The following ZPBP variants were observed in gnomAD, a reference collection of about 807,000 sequenced individuals.
ZPBP encodes zona pellucida-binding protein 1.
A neutral mutation model predicts 44.8 loss-of-function variants in ZPBP; 26 were observed. That is an observed-to-expected ratio of 0.58 (90% CI 0.43 to 0.81). ZPBP has a LOEUF of 0.81. Among genes scored for constraint, ZPBP ranks in the 30% least tolerant of loss-of-function variants. ZPBP has a pLI of 0.00. For synonymous variants in ZPBP, 174 were observed against 153.2 expected, an observed-to-expected ratio of 1.14 and a Z score of -1.00; for missense variants, 409 against 434.0, an observed-to-expected ratio of 0.94 and a Z score of 0.51.
At chr7:49,847,842 AGAG>A (rs1350483827), downstream of ZPBP, among the ~76,000 whole-genome samples, 12 of 152,278 alleles carry the variant, frequency 7.9e-5, no homozygotes, top group East Asian at 1.7e-3. Flanking sequence ...GAAAGCCCGC[AGAG>A]GAGGTCATGG....
intron 7 of ZPBP, among the ~76,000 whole-genome samples, chr7:49,967,812 A>G (rs954683326): frequency 1.3e-5 from 2 of 152,070 alleles, no homozygotes; most frequent in African/African-American, 4.8e-5. Flanking sequence ...TCCCAAAGGC[A>G]TGAGCCACGG....
At chr7:49,933,543 A>G (rs932887584), downstream of ZPBP, among the ~76,000 whole-genome samples, 1 of 152,186 alleles carries the variant, frequency 6.6e-6, no homozygotes, top group Non-Finnish European at 1.5e-5. Context: ...CCAGCTATCC[A>G]ATTACTGGGT....
At chr7:49,864,096 G>A (rs890829635) in intron 2 of ZPBP, among the ~76,000 whole-genome samples, 3 of 151,940 alleles carry the variant, frequency 2.0e-5, no homozygotes, top group South Asian at 2.1e-4. Flanking sequence ...TTGTTGTTGC[G>A]GGCTGTGATT....
intron 1 of ZPBP, among the ~76,000 whole-genome samples, chr7:49,909,312 A>G (rs1369759696): frequency 1.3e-5 from 2 of 151,922 alleles, no homozygotes; most frequent in Non-Finnish European, 2.9e-5. Context: ...TTACCTCTGC[A>G]AAAAAAGATG....
chr7:49,881,823 TTA>T (rs1791678356), intron 2 of ZPBP, among the ~76,000 whole-genome samples: 1 of 152,076 alleles, frequency 6.6e-6, no homozygotes, highest in Non-Finnish European at 1.5e-5. Flanking sequence ...AATTCATAAC[TTA>T]TGTTTGTACT....
At chr7:49,851,037 T>C (rs995351495) in intron 2 of ZPBP, among the ~76,000 whole-genome samples, 2 of 152,156 alleles carry the variant, frequency 1.3e-5, no homozygotes, top group East Asian at 1.9e-4. Context: ...AAGTCTAAAG[T>C]AGATCAAGGT....
intron 2 of ZPBP, among the ~76,000 whole-genome samples, chr7:49,862,300 CT>C (rs147122195): frequency 6.6e-6 from 1 of 152,004 alleles, no homozygotes; most frequent in Non-Finnish European, 1.5e-5. Context: ...GAAAAACAGC[CT>C]TTTTTTGTGT....
intron 1 of ZPBP, chr7:49,921,345 T>G (rs1185501273): frequency 6.6e-6 from 1 of 152,172 alleles, no homozygotes; most frequent in Non-Finnish European, 1.5e-5. Flanking sequence ...AGAGACATAG[T>G]CTCTAGAAAC....
At chr7:50,077,348 G>A (rs1243533790) in intron 3 of ZPBP, among the ~76,000 whole-genome samples, 1 of 151,532 alleles carries the variant, frequency 6.6e-6, no homozygotes, top group East Asian at 1.9e-4. Flanking sequence ...AAGACTTCTT[G>A]AGCAATAACC....
chr7:49,966,457 T>C (rs1011224480), intron 7 of ZPBP, among the ~76,000 whole-genome samples: 10 of 152,250 alleles, frequency 6.6e-5, no homozygotes, highest in African/African-American at 2.4e-4. Flanking sequence ...TAAAACATTT[T>C]TCAATAAATT....
At chr7:49,976,193 T>C (rs1016529840) in intron 7 of ZPBP, among the ~76,000 whole-genome samples, 1 of 152,228 alleles carries the variant, frequency 6.6e-6, no homozygotes, top group Non-Finnish European at 1.5e-5. Context: ...AAGCATTATA[T>C]ATTTTTGCGT....
chr7:49,994,638 GAGAGTAATTACTGGC>G (rs1187281954), intron 6 of ZPBP, among the ~76,000 whole-genome samples: 11 of 152,294 alleles, frequency 7.2e-5, no homozygotes, highest in Middle Eastern at 3.4e-3. Context: ...CTCTCCGAAG[GAGAGTAATTACTGGC>G]AGATGTCAGG....
At chr7:49,984,741 TGGG>T (rs964095882) in intron 6 of ZPBP, among the ~76,000 whole-genome samples, 5 of 152,202 alleles carry the variant, frequency 3.3e-5, no homozygotes, top group African/African-American at 1.2e-4. Flanking sequence ...GTCCGAGGCC[TGGG>T]GATTGGGGAC....
chr7:50,081,733 G>C, intron 3 of ZPBP, 41 bp downstream of exon 3: 1 of 1,603,440 alleles, frequency 6.2e-7, no homozygotes, highest in Non-Finnish European at 8.5e-7. Flanking sequence ...ACACAATTCA[G>C]ATACATTTAT....
chr7:49,934,515 G>T (rs1348614652), downstream of ZPBP, among the ~76,000 whole-genome samples: 1 of 151,224 alleles, frequency 6.6e-6, no homozygotes, highest in Admixed American at 6.6e-5. Flanking sequence ...GGTGCATTTG[G>T]TTTAAAAATG....
intron 3 of ZPBP, among the ~76,000 whole-genome samples, chr7:50,071,889 G>A (rs1010189797): frequency 2.6e-5 from 4 of 152,164 alleles, no homozygotes; most frequent in Admixed American, 2.0e-4. Context: ...CAACATCAAG[G>A]GCCTTGGGTG....
At chr7:49,987,907 C>T (rs1797382481) in intron 6 of ZPBP, among the ~76,000 whole-genome samples, 1 of 151,898 alleles carries the variant, frequency 6.6e-6, no homozygotes, top group African/African-American at 2.4e-5. Flanking sequence ...ATAAAAACAG[C>T]CTTAAAGACT....
rs1038544646 is a variant in ZPBP, at chr7:49,932,012, G to A, written n.411+3739C>T. On this transcript the variant is annotated intron_variant and non_coding_transcript_variant, in intron 1 of 2. Transcript: ENST00000465922. ...GTGGTATTGGGCCTGTGGGTACACA[G>A]AGGTCAAGAACTGAGGTTTGGGAAC... Among the ~76,000 whole-genome samples, 3 of 152,368 alleles carry A rather than the reference G, an allele frequency of 2.0e-5. No individual in the cohort carries two copies. In the South Asian group the frequency reaches 6.2e-4, roughly 32 times the overall value.
At chr7:49,921,429 T>C (rs1162076144) in intron 1 of ZPBP, 1 of 152,238 alleles carries the variant, frequency 6.6e-6, no homozygotes, top group Non-Finnish European at 1.5e-5. Flanking sequence ...TTTGCTTTAA[T>C]GTAACTTGGC....
Sources: gnomAD v4.1 joint callset for allele counts (sites outside exome capture counted in the v4.1 genomes callset) on GRCh38, gnomAD v4.1.1 for gene constraint, MANE v1.5 for transcripts, NCBI Gene and HGNC (gene_info 2026-07-23, HGNC 2026-07-21) for gene names.